MPP7: variants seen among roughly 807,000 people sequenced by gnomAD.
The protein encoded by MPP7 is MAGUK p55 subfamily member 7.
A neutral mutation model predicts 76.5 loss-of-function variants in MPP7; 60 were observed. The observed-to-expected ratio is 0.78, with a 90% confidence interval of 0.64 to 0.97. The LOEUF is 0.97. MPP7 is among the 50% of genes least tolerant of loss of function. The pLI, the probability that MPP7 is intolerant of heterozygous loss-of-function variation, is 0.00. For missense variants in MPP7, 641 were observed against 694.0 expected (o/e 0.92, Z 0.86); for synonymous variants, 237 against 244.5 (o/e 0.97, Z 0.29).
At chr10:28,130,622 C>A (rs753613969) in intron 6 of MPP7, among the ~76,000 whole-genome samples, 1 of 152,156 alleles carries the variant, frequency 6.6e-6, no homozygotes, top group Non-Finnish European at 1.5e-5. Flanking sequence ...CTAAAGATAT[C>A]TTTGACTCTT....
chr10:28,105,961 T>C (rs956245642), intron 11 of MPP7, among the ~76,000 whole-genome samples: 2 of 152,142 alleles, frequency 1.3e-5, no homozygotes, highest in Non-Finnish European at 2.9e-5. Context: ...GTCTGCAGAG[T>C]GTCTGTGAGC....
intron 9 of MPP7, 98 bp downstream of exon 9, chr10:28,120,496 T>G: frequency 1.3e-6 from 2 of 1,488,558 alleles, no homozygotes; most frequent in South Asian, 2.4e-5. Flanking sequence ...AAAACTGGAA[T>G]ATTGAAAGAA....
At chr10:28,334,035 CAAAAAATACGA>C (rs1834494785) in intron 1 of MPP7, among the ~76,000 whole-genome samples, 1 of 151,848 alleles carries the variant, frequency 6.6e-6, no homozygotes, top group African/African-American at 2.4e-5. Context: ...TCTAGTAAAA[CAAAAAATACGA>C]AAAAATTAGC....
rs1434978828 is a variant in MPP7, at chr10:28,092,565, C to A, written c.953-2724G>T. 3.6e-5 allele frequency among the ~76,000 whole-genome samples: 5 copies of A among 139,032 alleles called. No homozygotes were observed. The South Asian group carries it at 9.7e-4, about 27-fold the overall frequency. 91.2% of individuals were successfully genotyped at this position (139,032 alleles called of 152,430 possible). On this transcript the variant is annotated intron_variant, in intron 11 of 16. Transcript: ENST00000683449. ...GTTGTAGGGAAAGCTTCATAGAACCCAGAAAAGGGACCTTTTTTTTTTTTT... is the reference window on the plus strand; with the variant it reads ...GTTGTAGGGAAAGCTTCATAGAACCAAGAAAAGGGACCTTTTTTTTTTTTT...
intron 2 of MPP7, among the ~76,000 whole-genome samples, chr10:28,321,957 G>C (rs1350355754): frequency 1.6e-5 from 2 of 123,186 alleles, no homozygotes; most frequent in African/African-American, 6.1e-5. Flanking sequence ...ACGTGTGTGT[G>C]TGTGTGTGTG....
intron 1 of MPP7, among the ~76,000 whole-genome samples, chr10:28,289,690 C>T (rs955559037): frequency 1.3e-5 from 2 of 152,172 alleles, no homozygotes; most frequent in African/African-American, 2.4e-5. Flanking sequence ...CCACCCGAAC[C>T]CACTCTGGGC....
intron 1 of MPP7, among the ~76,000 whole-genome samples, chr10:28,293,652 G>A (rs1055224411): frequency 2.0e-5 from 3 of 152,136 alleles, no homozygotes; most frequent in African/African-American, 2.4e-5. Context: ...ACTCCAGTCC[G>A]AGCCCCTGAG....
intron 2 of MPP7, among the ~76,000 whole-genome samples, chr10:28,315,566 T>C (rs72805609): frequency 0.13 from 19,435 of 152,198 alleles, 1,395 homozygotes; most frequent in African/African-American, 0.18. Context: ...CTGAACTGGA[T>C]GGTTTTTAAG....
At chr10:28,143,281 G>C (rs1375016773) in intron 5 of MPP7, among the ~76,000 whole-genome samples, 2 of 152,142 alleles carry the variant, frequency 1.3e-5, no homozygotes, top group Non-Finnish European at 2.9e-5. Flanking sequence ...TATAAGCATA[G>C]GAAAAGATAT....
At position 28,125,003 on chromosome 10, in the gene MPP7, G is replaced by A; in HGVS notation, c.529+7C>T. 3 of 1,612,150 alleles carry A rather than the reference G, an allele frequency of 1.9e-6. No individual in the cohort carries two copies. The South Asian group carries it at 3.3e-5, about 18-fold the overall frequency. The stretch of plus-strand genomic sequence containing the variant: ...AGTCTGTACTTGGTTAACATTTAAA[G>A]TCTCACCACTTCTATCTGCAGCTCC... On this transcript the variant is annotated splice_region_variant and intron_variant, in intron 7 of 16. Transcript: ENST00000683449.
At chr10:28,074,429 CTGGGAT>C (rs1461373611) in intron 12 of MPP7, among the ~76,000 whole-genome samples, 1 of 152,114 alleles carries the variant, frequency 6.6e-6, no homozygotes, top group Non-Finnish European at 1.5e-5. Context: ...TCTTGAGTAG[CTGGGAT>C]TACAGGTGTG....
rs1010756118 is a variant in MPP7 at position 28,227,752 on chromosome 10, G to C, written c.37+10816C>G. Among the ~76,000 whole-genome samples the C allele has an allele frequency of 3.9e-5, 6 of 152,200 alleles. No homozygotes were observed. The South Asian group carries it at 1.0e-3, about 26-fold the overall frequency. ...ACATTTGAGTTGATTCCATGTCTTT[G>C]CTACTGTGAATAATGCTGTAATAAA... On this transcript the variant is annotated intron_variant, in intron 2 of 16. Transcript: ENST00000683449.
Position 28,124,928 on chromosome 10 carries a change from G to T in MPP7, c.529+82C>A. Reference sequence around the variant, plus strand: ...TTCTGCTGTATTAGATCCAAAGATGGTTATCCTCTTAGTTATCTACTGGAA... The same window carrying T: ...TTCTGCTGTATTAGATCCAAAGATGTTTATCCTCTTAGTTATCTACTGGAA... On this transcript the variant is annotated intron_variant, in intron 7 of 16. Transcript: ENST00000683449. 3 of 1,141,888 alleles carry T rather than the reference G, an allele frequency of 2.6e-6. No individual in the cohort carries two copies. The South Asian group carries it at 3.7e-5, about 14-fold the overall frequency. 70.7% of individuals were successfully genotyped at this position (1,141,888 alleles called of 1,614,324 possible). A position where few individuals can be genotyped will look rare whatever the true frequency, so the allele number is the denominator to read the frequency against.
At chr10:28,250,623 T>C (rs1385581763) in intron 1 of MPP7, among the ~76,000 whole-genome samples, 1 of 152,206 alleles carries the variant, frequency 6.6e-6, no homozygotes, top group African/African-American at 2.4e-5. Flanking sequence ...CGCACTTTCA[T>C]GATAAAGTTT....
Position 28,066,848 on chromosome 10 carries a change from T to C in MPP7, c.1204+2924A>G, listed in dbSNP as rs1256317489. ...TCTTATTGTTGCATGTAGTTGAAGA[T>C]TGTTCATTCTCATTGCTTTACAGTA... On this transcript the variant is annotated intron_variant, in intron 13 of 16. Coordinates refer to ENST00000683449, the MANE Select transcript of MPP7 (RefSeq NM_001318170.2). Among the ~76,000 whole-genome samples, 4 of 152,242 alleles carry C rather than the reference T, an allele frequency of 2.6e-5. No homozygotes were observed. In the East Asian group the frequency reaches 7.7e-4, roughly 29 times the overall value.
intron 11 of MPP7, among the ~76,000 whole-genome samples, chr10:28,102,726 C>A (rs534738608): frequency 6.6e-6 from 1 of 152,244 alleles, no homozygotes; most frequent in East Asian, 1.9e-4. Context: ...GTAGGGAAAT[C>A]TCCTCAGTTC....
At chr10:28,286,038 T>A (rs1021328201) in intron 1 of MPP7, among the ~76,000 whole-genome samples, 5 of 152,188 alleles carry the variant, frequency 3.3e-5, no homozygotes, top group African/African-American at 1.2e-4. Context: ...GGTCAGGAGT[T>A]GCCTATCTCA....
At chr10:28,082,960 T>C (rs1320833844) in intron 12 of MPP7, among the ~76,000 whole-genome samples, 1 of 152,220 alleles carries the variant, frequency 6.6e-6, no homozygotes, top group Non-Finnish European at 1.5e-5. Flanking sequence ...GCACAGATTA[T>C]TTTGTTTAAC....
chr10:28,131,821 G>A, intron 5 of MPP7, 130 bp from the exon 6 acceptor site: 1 of 309,042 alleles, frequency 3.2e-6, no homozygotes, highest in Non-Finnish European at 4.9e-6. Context: ...TGACATAGTA[G>A]TGGTAATAAG....
Sources: gnomAD v4.1 joint callset for allele counts (sites outside exome capture counted in the v4.1 genomes callset) on GRCh38, gnomAD v4.1.1 for gene constraint, MANE v1.5 for transcripts, NCBI Gene and HGNC (gene_info 2026-07-23, HGNC 2026-07-21) for gene names.